CXCL14: variants seen among roughly 807,000 people sequenced by gnomAD.
CXCL14 encodes the protein C-X-C motif chemokine 14.
A neutral mutation model predicts 16.1 loss-of-function variants in CXCL14; 9 were observed. The observed-to-expected ratio is 0.56, with a 90% confidence interval of 0.34 to 0.97. The LOEUF (loss-of-function observed/expected upper bound fraction) is 0.97, where lower values mean the gene tolerates loss of function less well. Ranked by LOEUF, CXCL14 falls within the 50% of genes least tolerant of loss-of-function variation. The probability of loss-of-function intolerance (pLI) is 0.02; values close to 1 mark genes in which losing one functional copy is unlikely to be tolerated. For synonymous variants in CXCL14, 55 were observed against 52.8 expected (o/e 1.04, Z -0.18); for missense variants, 111 against 132.5 (o/e 0.84, Z 0.80).
intron 2 of CXCL14, among the ~76,000 whole-genome samples, chr5:135,577,083 A>G (rs1751113123): frequency 6.6e-6 from 1 of 152,230 alleles, no homozygotes; most frequent in Non-Finnish European, 1.5e-5. Flanking sequence ...AAGTTTAGCC[A>G]GGAAAAGAGC....
At chr5:135,574,499 G>C (rs1355601632) in intron 3 of CXCL14, 73 bp downstream of exon 3, 2 of 1,201,124 alleles carry the variant, frequency 1.7e-6, no homozygotes, top group Admixed American at 3.8e-5. Flanking sequence ...TGACCTGGTG[G>C]GGGGGTCCCT....
At chr5:135,574,534 G>T in intron 3 of CXCL14, 38 bp downstream of exon 3, 1 of 1,557,208 alleles carries the variant, frequency 6.4e-7, no homozygotes, top group Non-Finnish European at 8.8e-7. Flanking sequence ...CCACAGCTGG[G>T]TCTGGTGGGA....
intron 3 of CXCL14, 126 bp from the exon 4 acceptor site, chr5:135,571,994 C>G: frequency 1.1e-6 from 1 of 896,630 alleles, no homozygotes; most frequent in East Asian, 2.7e-5. Context: ...ACTGCAGGAA[C>G]CCCCAGGAGA....
chr5:135,574,753 G>A lies in CXCL14; in HGVS notation c.171-68C>T, dbSNP rs903451361. The A allele has an allele frequency of 9.1e-6, 12 of 1,320,960 alleles. No individual in the cohort carries two copies. The African/African-American group carries it at 1.6e-4, about 18-fold the overall frequency. 81.8% of individuals were successfully genotyped at this position (1,320,960 alleles called of 1,614,324 possible). ...TAACATGTTGCCTCTTGTGTGGCCT[G>A]TGAGTAGCCCTGGGCTAAGTCAGGG... On this transcript the variant is annotated intron_variant, in intron 2 of 3. Transcript: ENST00000512158.
intron 3 of CXCL14, among the ~76,000 whole-genome samples, chr5:135,573,520 G>A (rs1751054144): frequency 6.6e-6 from 1 of 152,124 alleles, no homozygotes; most frequent in Non-Finnish European, 1.5e-5. Context: ...ACCCACTATG[G>A]CTGTACCTTC....
At chr5:135,573,101 C>T (rs1226176614) in intron 3 of CXCL14, among the ~76,000 whole-genome samples, 2 of 152,068 alleles carry the variant, frequency 1.3e-5, no homozygotes, top group Non-Finnish European at 2.9e-5. Context: ...GGCTGCAGCT[C>T]AGGTGGAGGG....
chr5:135,572,917 G>T (rs1751048112), intron 3 of CXCL14, among the ~76,000 whole-genome samples: 1 of 152,176 alleles, frequency 6.6e-6, no homozygotes, highest in South Asian at 2.1e-4. Context: ...TGTTTCAGGG[G>T]AGGGAGGTGG....
Position 135,578,953 on chromosome 5 carries a change from G to C in CXCL14, c.-175C>G, listed in dbSNP as rs930613864. 1.6e-6 allele frequency: 1 copy of C among 635,218 alleles called. No homozygotes were observed. The highest frequency in any genetic ancestry group is 2.5e-6 in the Non-Finnish European group (1 of 400,220). The allele number at this position is 635,218 out of a possible 1,614,324, so 39.3% of individuals were successfully genotyped here. On this transcript the variant is annotated 5_prime_UTR_variant, in exon 1 of 4. Transcript: ENST00000512158. ...TGGATGCCCAGGGCTGTCTGTGGCC[G>C]TGCGCTGCGCTCTGCGCTTGTCTCC...
intron 3 of CXCL14, among the ~76,000 whole-genome samples, chr5:135,573,454 C>T (rs576124154): frequency 6.6e-6 from 1 of 152,306 alleles, no homozygotes; most frequent in South Asian, 2.1e-4. Context: ...GAGCTGGTCA[C>T]AGGGCTGAGC....
In CXCL14 at chr5:135,571,757, TTTTTTTTTTTTTTTTTTTTTTTTTTTTTA is replaced by T. The variant is rs1751033140; in HGVS notation, c.*67_*95del. ...GAAAGAAAGGCTTTTTTTTTTTTTT[TTTTTTTTTTTTTTTTTTTTTTTTTTTTTA>T]ATCTGCAAAGTCCTTTGCACAAGTC... On this transcript the variant is annotated 3_prime_UTR_variant, in exon 4 of 4. Transcript: ENST00000512158. 6 of 83,146 alleles carry T rather than the reference TTTTTTTTTTTTTTTTTTTTTTTTTTTTTA, an allele frequency of 7.2e-5. No individual in the cohort carries two copies. The East Asian group carries it at 7.9e-4, about 11-fold the overall frequency. The allele number at this position is 83,146 out of a possible 1,614,324, so 5.2% of individuals were successfully genotyped here. A position where few individuals can be genotyped will look rare whatever the true frequency, so the allele number is the denominator to read the frequency against.
In CXCL14 at chr5:135,573,255, C is replaced by T. The variant is rs372663334; in HGVS notation, c.284+1317G>A. ...CTGGAGGGTGACAGAGTGTGGACTG[C>T]GCAGTTCTGGCCTTTGCCACATGAG... On this transcript the variant is annotated intron_variant, in intron 3 of 3. Coordinates refer to ENST00000512158, the MANE Select transcript of CXCL14 (RefSeq NM_004887.5). 1.6e-4 allele frequency among the ~76,000 whole-genome samples: 25 copies of T among 152,348 alleles called. 1 individual carries two copies. The East Asian group carries it at 4.6e-3, about 28-fold the overall frequency.
Position 135,578,863 on chromosome 5 carries a change from C to G in CXCL14, c.-85G>C. The G allele has an allele frequency of 1.5e-6, 2 of 1,372,678 alleles. No individual in the cohort carries two copies. Among genetic ancestry groups the G allele is most frequent in the Non-Finnish European group, 1.9e-6 (2 of 1,048,644 alleles). The allele number at this position is 1,372,678 out of a possible 1,614,324, so 85.0% of individuals were successfully genotyped here. A position where few individuals can be genotyped will look rare whatever the true frequency, so the allele number is the denominator to read the frequency against. ...GCGGCGGCCCGGAGACGCCACCCAG[C>G]TCTGCTCGGCTTTCTCTGCCCGGGG... On this transcript the variant is annotated 5_prime_UTR_variant, in exon 1 of 4. Transcript: ENST00000512158.
chr5:135,574,891 TA>T lies in CXCL14; in HGVS notation c.171-207del, dbSNP rs368087611. Among the ~76,000 whole-genome samples the T allele has an allele frequency of 3.5e-4, 54 of 152,264 alleles. No homozygotes were observed. In the East Asian group the frequency reaches 9.9e-3, roughly 28 times the overall value. ...GTCCCCTTATTCTCTGACTCCATGT[TA>T]GGGCCTAACCCTGTATGTAGTGAGC... On this transcript the variant is annotated intron_variant, in intron 2 of 3. Transcript: ENST00000512158.
At chr5:135,574,878 T>C (rs954209423) in intron 2 of CXCL14, among the ~76,000 whole-genome samples, 193 bp from the exon 3 acceptor site, 9 of 152,146 alleles carry the variant, frequency 5.9e-5, no homozygotes, top group African/African-American at 2.2e-4. Context: ...CCCCTTATTC[T>C]CTGACTCCAT....
intron 2 of CXCL14, among the ~76,000 whole-genome samples, chr5:135,575,062 A>T (rs1377303926): frequency 6.6e-6 from 1 of 152,184 alleles, no homozygotes; most frequent in Non-Finnish European, 1.5e-5. Context: ...GCCTGGGATC[A>T]GGAGGTGGAG....
chr5:135,571,977 T>A, intron 3 of CXCL14, 109 bp from the exon 4 acceptor site: 2 of 1,096,746 alleles, frequency 1.8e-6, no homozygotes, highest in Non-Finnish European at 2.7e-6. Flanking sequence ...AATGCCCCTG[T>A]CCCAGAACTG....
chr5:135,575,901 A>C (rs1751089824), intron 2 of CXCL14, among the ~76,000 whole-genome samples: 1 of 152,128 alleles, frequency 6.6e-6, no homozygotes, highest in Non-Finnish European at 1.5e-5. Context: ...AAGAGTGAGA[A>C]GAGAGGGACA....
intron 2 of CXCL14, among the ~76,000 whole-genome samples, chr5:135,576,750 GC>G (rs1415435409): frequency 2.6e-4 from 24 of 93,184 alleles, no homozygotes; most frequent in Admixed American, 1.2e-3. Flanking sequence ...CCCTACTCCT[GC>G]CCCCACCCCC....
chr5:135,570,792 T>C lies in CXCL14; in HGVS notation c.*1061A>G, dbSNP rs924726881. On this transcript the variant is annotated 3_prime_UTR_variant, in exon 4 of 4. Transcript: ENST00000512158. Reference sequence around the variant, plus strand: ...CATAGCATATAACACAGCAGTACAATGCGGCATATACTGGGGGGCAGTGTG... The same window carrying C: ...CATAGCATATAACACAGCAGTACAACGCGGCATATACTGGGGGGCAGTGTG... The C allele has an allele frequency of 2.0e-5, 3 of 151,444 alleles. No individual in the cohort carries two copies. The highest frequency in any genetic ancestry group is 7.3e-5 in the African/African-American group (3 of 41,080). 9.4% of individuals were successfully genotyped at this position (151,444 alleles called of 1,614,324 possible).
Sources: allele counts gnomAD v4.1 joint callset (sites outside exome capture counted in the v4.1 genomes callset), GRCh38; gene constraint gnomAD v4.1.1; transcripts MANE v1.5; gene names NCBI Gene and HGNC (gene_info 2026-07-23, HGNC 2026-07-21).